Variants in NFATC2 observed in about 807,000 individuals in gnomAD.
NFATC2 encodes nuclear factor of activated T cells 2, also known as nuclear factor of activated T-cells, cytoplasmic 2.
Under a neutral mutation model 87.3 loss-of-function variants are expected in NFATC2, and 22 were observed. The observed-to-expected ratio is 0.25, with a 90% CI of 0.18 to 0.36. The LOEUF (loss-of-function observed/expected upper bound fraction) is 0.36. Among genes scored for constraint, NFATC2 ranks in the 10% least tolerant of loss-of-function variants. NFATC2 has a pLI of 1.00. For synonymous variants in NFATC2, 565 were observed against 542.2 expected (o/e 1.04, Z -0.58); for missense variants, 1,149 against 1,259.1 (o/e 0.91, Z 1.32).
chr20:51,518,641 A>C (rs1354312828), intron 2 of NFATC2, among the ~76,000 whole-genome samples: 2 of 152,134 alleles, frequency 1.3e-5, no homozygotes, highest in African/African-American at 2.4e-5. Flanking sequence ...CTCACATCTA[A>C]CCATATGATT....
At chr20:51,558,538 C>CA (rs2076997317) in intron 1 of NFATC2, among the ~76,000 whole-genome samples, 1 of 151,876 alleles carries the variant, frequency 6.6e-6, no homozygotes, top group Admixed American at 6.6e-5. Context: ...GTAATGACCG[C>CA]AATTATTTTT....
chr20:51,520,647 TTTATTA>T (rs907427593), intron 2 of NFATC2, among the ~76,000 whole-genome samples: 1 of 150,874 alleles, frequency 6.6e-6, no homozygotes, highest in Non-Finnish European at 1.5e-5. Flanking sequence ...TTTATTTTTA[TTTATTA>T]TTATTATTAT....
At chr20:51,535,851 C>T (rs1288521659) in intron 1 of NFATC2, among the ~76,000 whole-genome samples, 1 of 152,178 alleles carries the variant, frequency 6.6e-6, no homozygotes, top group African/African-American at 2.4e-5. Context: ...CACTTTCTTC[C>T]CTTCAGACCC....
intron 3 of NFATC2, among the ~76,000 whole-genome samples, chr20:51,485,225 C>T (rs1171134389): frequency 3.9e-5 from 6 of 152,172 alleles, no homozygotes; most frequent in Admixed American, 3.9e-4. Flanking sequence ...GGACTCAGGA[C>T]CAAACGCTGC....
intron 3 of NFATC2, among the ~76,000 whole-genome samples, chr20:51,505,924 T>C (rs992850509): frequency 2.6e-5 from 4 of 152,154 alleles, no homozygotes; most frequent in African/African-American, 7.2e-5. Context: ...CCTAACACGA[T>C]GGTTCAGAGG....
chr20:51,532,607 G>A (rs1022788418), intron 1 of NFATC2, among the ~76,000 whole-genome samples: 5 of 152,176 alleles, frequency 3.3e-5, no homozygotes, highest in Non-Finnish European at 7.3e-5. Flanking sequence ...TCTCCCCCTG[G>A]AAGCTCTGTG....
At chr20:51,431,321 G>T (rs1042847761) in intron 9 of NFATC2, among the ~76,000 whole-genome samples, 10 of 152,226 alleles carry the variant, frequency 6.6e-5, no homozygotes, top group Non-Finnish European at 1.3e-4. Flanking sequence ...AATGCGGTTT[G>T]TCCTTCCTCC....
chr20:51,475,193 T>C (rs1245795019), intron 4 of NFATC2, among the ~76,000 whole-genome samples: 1 of 152,086 alleles, frequency 6.6e-6, no homozygotes, highest in African/African-American at 2.4e-5. Flanking sequence ...GGTCTTGAAT[T>C]CCTGATCTCA....
intron 1 of NFATC2, among the ~76,000 whole-genome samples, chr20:51,555,318 G>A (rs2076968223): frequency 6.6e-6 from 1 of 152,178 alleles, no homozygotes; most frequent in Admixed American, 6.5e-5. Flanking sequence ...TGTGGGCCGG[G>A]TGCGGTGGCT....
At chr20:51,417,645 T>G (rs1384725811) in intron 9 of NFATC2, among the ~76,000 whole-genome samples, 2 of 152,188 alleles carry the variant, frequency 1.3e-5, no homozygotes, top group Admixed American at 1.3e-4. Context: ...GAAATTCTCA[T>G]CATTTTCTGG....
intron 3 of NFATC2, among the ~76,000 whole-genome samples, chr20:51,490,301 T>C (rs1229274205): frequency 6.6e-6 from 1 of 152,194 alleles, no homozygotes; most frequent in East Asian, 1.9e-4. Context: ...AATTAGTTTG[T>C]TCAAGGTCAT....
At chr20:51,470,265 A>T (rs757668831) in intron 5 of NFATC2, among the ~76,000 whole-genome samples, 1 of 152,282 alleles carries the variant, frequency 6.6e-6, no homozygotes, top group East Asian at 1.9e-4. Context: ...GAGAAGGGTC[A>T]GGTCAGTCTT....
chr20:51,562,097 G>A lies in NFATC2; in HGVS notation c.70+463C>T, dbSNP rs150485610. Among the ~76,000 whole-genome samples the A allele has an allele frequency of 2.8e-4, 42 of 152,292 alleles. No individual in the cohort carries two copies. In the East Asian group the frequency reaches 6.2e-3, roughly 22 times the overall value. On this transcript the variant is annotated intron_variant, in intron 1 of 10. Coordinates refer to the NFATC2 transcript ENST00000414705. The surrounding 1 kb of genome is among the most constrained non-coding windows in gnomAD (Gnocchi z 5.8). ...CCGCTGCTGCTGTAACTGTTAGAAA[G>A]CAAAGTCTTCCTTACTATACTTGCT... is the stretch of plus-strand genomic sequence containing the variant.
intron 1 of NFATC2, 120 bp downstream of exon 1, chr20:51,542,250 C>G: frequency 7.8e-7 from 1 of 1,285,600 alleles, no homozygotes; most frequent in South Asian, 1.7e-5. Context: ...GGTAGGGGCA[C>G]CCTCCCTCCA....
rs1375260315 is a variant in NFATC2 at position 51,542,467 on chromosome 20, G to C, written c.33C>G (p.Asp11Glu). 6.4e-7 allele frequency: 1 copy of C among 1,569,232 alleles called. No homozygotes were observed. The highest frequency in any genetic ancestry group is 1.4e-5 in the African/African-American group (1 of 70,390). MNAPERQPQP[D>E]GGDAPGHEPG... ...GCTCGTGGCCTGGGGCGTCCCCGCC[G>C]TCGGGTTGGGGCTGCCGCTCGGGGG... The change falls in exon 1 of 11, where the codon GAC (aspartate) becomes GAG (glutamate). Residue 11 changes from aspartate to glutamate, a missense_variant. Around this residue, in one of 3 missense-constraint regions of NFATC2, gnomAD observed 563 missense variants for 585.2 expected, o/e 0.96. Coordinates refer to ENST00000371564, the MANE Select transcript of NFATC2 (RefSeq NM_012340.5).
intron 9 of NFATC2, among the ~76,000 whole-genome samples, chr20:51,417,781 G>T (rs1169596537): frequency 6.6e-6 from 1 of 152,144 alleles, no homozygotes; most frequent in Non-Finnish European, 1.5e-5. Context: ...CATACTCAGT[G>T]GATATCTGTT....
chr20:51,542,841 C>A, upstream of NFATC2: 1 of 545,532 alleles, frequency 1.8e-6, no homozygotes, highest in Non-Finnish European at 2.3e-6. Context: ...GGGCGCGCGG[C>A]CTGGGCTGGC....
intron 10 of NFATC2, among the ~76,000 whole-genome samples, chr20:51,395,771 CAGTA>C (rs1258132521): frequency 2.0e-5 from 3 of 150,222 alleles, no homozygotes; most frequent in Non-Finnish European, 2.9e-5. Context: ...TGTTTCAACT[CAGTA>C]AGAAGGATAT....
intron 9 of NFATC2, among the ~76,000 whole-genome samples, chr20:51,422,004 G>T (rs768902452): frequency 1.3e-5 from 2 of 152,170 alleles, no homozygotes; most frequent in African/African-American, 4.8e-5. Flanking sequence ...CATTTCAAAG[G>T]CGTCCTCCAC....
Sources: gnomAD v4.1 joint callset for allele counts (sites outside exome capture counted in the v4.1 genomes callset) on GRCh38, gnomAD v4.1.1 for gene constraint, gnomAD v4.1.1 regional missense constraint, Gnocchi (gnomAD v3.1) non-coding constraint, MANE v1.5 for transcripts, NCBI Gene and HGNC (gene_info 2026-07-23, HGNC 2026-07-21) for gene names.